SPATA6: variants seen among roughly 807,000 people sequenced by gnomAD.
SPATA6 encodes spermatogenesis associated 6.
Under a neutral mutation model 65.3 loss-of-function variants are expected in SPATA6, and 56 were observed. The observed-to-expected ratio is 0.86, with a 90% CI of 0.69 to 1.07. The LOEUF (loss-of-function observed/expected upper bound fraction) is 1.07. Among genes scored for constraint, SPATA6 ranks in the 50% least tolerant of loss-of-function variants. The probability of loss-of-function intolerance (pLI) is 0.00; values close to 1 mark genes in which losing one functional copy is unlikely to be tolerated. For missense variants in SPATA6, 590 were observed against 594.8 expected (o/e 0.99, Z 0.08); for synonymous variants, 199 against 213.2 (o/e 0.93, Z 0.58).
chr1:48,440,169 C>G (rs1655326424), intron 3 of SPATA6, among the ~76,000 whole-genome samples: 1 of 152,096 alleles, frequency 6.6e-6, no homozygotes, highest in South Asian at 2.1e-4. Flanking sequence ...CAAAAACCCT[C>G]TGGCTATCGG....
intron 9 of SPATA6, among the ~76,000 whole-genome samples, chr1:48,362,125 A>T (rs573001018): frequency 5.3e-5 from 8 of 152,246 alleles, no homozygotes; most frequent in African/African-American, 1.7e-4. Context: ...TAGGTAGCTC[A>T]CATCTGTAGT....
At chr1:48,331,359 T>C (rs1415495811) in intron 11 of SPATA6, among the ~76,000 whole-genome samples, 1 of 146,072 alleles carries the variant, frequency 6.8e-6, no homozygotes, top group South Asian at 2.2e-4. Context: ...ACAGAAAAAA[T>C]AGCCAGTATA....
chr1:48,323,882 A>G (rs1309509574), intron 11 of SPATA6, among the ~76,000 whole-genome samples: 1 of 152,188 alleles, frequency 6.6e-6, no homozygotes, highest in Non-Finnish European at 1.5e-5. Context: ...AAAGAAAAGC[A>G]CAGGGCTCGA....
At chr1:48,460,600 GAAAT>G (rs146124671) in intron 1 of SPATA6, among the ~76,000 whole-genome samples, 5,370 of 152,102 alleles carry the variant, frequency 0.035, 305 homozygotes, top group African/African-American at 0.12. Context: ...GGAAATGAAA[GAAAT>G]AAAAGGCACA....
At chr1:48,380,300 T>C (rs1195140079) in intron 9 of SPATA6, among the ~76,000 whole-genome samples, 1 of 152,224 alleles carries the variant, frequency 6.6e-6, no homozygotes. Flanking sequence ...TATTTTCATG[T>C]TCAATGCTGC....
At chr1:48,283,099 C>T in the SPATA6 span, among the ~76,000 whole-genome samples, 368 of 146,546 alleles carry the variant, frequency 2.5e-3, 1 homozygote, top group Admixed American at 4.6e-3. Context: ...AACCAAACAC[C>T]GCATATTCTT....
At position 48,402,212 on chromosome 1, in the gene SPATA6, T is replaced by C. The variant is rs1233028489; in HGVS notation, c.486+1590A>G. Reference sequence around the variant, plus strand: ...AAAGTTTACAGAGGGAAATGTTAGTTCATAAGTACAATTAAACTATGAATG... The same window carrying C: ...AAAGTTTACAGAGGGAAATGTTAGTCCATAAGTACAATTAAACTATGAATG... On this transcript the variant is annotated intron_variant, in intron 6 of 12. Coordinates refer to ENST00000371847, the MANE Select transcript of SPATA6 (RefSeq NM_019073.4). Among the ~76,000 whole-genome samples the C allele has an allele frequency of 2.6e-5, 4 of 152,176 alleles. No homozygotes were observed. The East Asian group carries it at 7.7e-4, about 29-fold the overall frequency.
At chr1:48,276,728 A>T in the SPATA6 span, among the ~76,000 whole-genome samples, 2 of 152,098 alleles carry the variant, frequency 1.3e-5, no homozygotes, top group African/African-American at 4.8e-5. Flanking sequence ...TTTTGCATTA[A>T]CTGAGGAGTG....
chr1:48,372,324 A>G (rs1647369982), intron 9 of SPATA6, among the ~76,000 whole-genome samples: 1 of 152,192 alleles, frequency 6.6e-6, no homozygotes, highest in Non-Finnish European at 1.5e-5. Context: ...AAGGGGTTAC[A>G]GGGCCCATGT....
At chr1:48,279,124 CA>C in the SPATA6 span, among the ~76,000 whole-genome samples, 1 of 152,098 alleles carries the variant, frequency 6.6e-6, no homozygotes, top group South Asian at 2.1e-4. Flanking sequence ...TACAGACAAG[CA>C]AATGCTGAGA....
chr1:48,290,360 C>T, the SPATA6 span, among the ~76,000 whole-genome samples: 6 of 152,178 alleles, frequency 3.9e-5, no homozygotes, highest in Admixed American at 2.6e-4. Context: ...CACTAAACAT[C>T]GAAAGGAACA....
At chr1:48,430,090 C>CT (rs1654258927) in intron 3 of SPATA6, among the ~76,000 whole-genome samples, 1 of 152,002 alleles carries the variant, frequency 6.6e-6, no homozygotes, top group Non-Finnish European at 1.5e-5. Context: ...GAAACAATGG[C>CT]TGAAAACTTC....
At chr1:48,413,660 A>G (rs1023418416) in intron 3 of SPATA6, among the ~76,000 whole-genome samples, 27 of 152,152 alleles carry the variant, frequency 1.8e-4, no homozygotes, top group Admixed American at 8.5e-4. Context: ...TGGTGAGTAC[A>G]GTGAGATACA....
chr1:48,470,663 GT>G (rs1237005491), intron 1 of SPATA6, among the ~76,000 whole-genome samples: 2 of 152,040 alleles, frequency 1.3e-5, no homozygotes, highest in Non-Finnish European at 1.5e-5. Context: ...TTTCCTAGGG[GT>G]TTAAGTTCTG....
At chr1:48,441,549 T>C (rs777991478) in intron 3 of SPATA6, among the ~76,000 whole-genome samples, 12 of 152,150 alleles carry the variant, frequency 7.9e-5, no homozygotes, top group Non-Finnish European at 1.5e-4. Flanking sequence ...TGTCCCCTGC[T>C]TGAGGAGGGA....
downstream of SPATA6, among the ~76,000 whole-genome samples, chr1:48,291,171 G>A (rs537955503): frequency 8.5e-5 from 13 of 152,266 alleles, no homozygotes; most frequent in South Asian, 1.2e-3. Context: ...GAGGGTCCTC[G>A]ATTTAATTTT....
At chr1:48,280,378 A>C in the SPATA6 span, among the ~76,000 whole-genome samples, 1 of 152,356 alleles carries the variant, frequency 6.6e-6, no homozygotes, top group Non-Finnish European at 1.5e-5. Flanking sequence ...CCTTCAAAAA[A>C]TTAGTGAATA....
chr1:48,282,107 G>A, the SPATA6 span, among the ~76,000 whole-genome samples: 1 of 152,182 alleles, frequency 6.6e-6, no homozygotes, highest in African/African-American at 2.4e-5. Context: ...TTAATAGATG[G>A]TGCTGGGAAA....
intron 11 of SPATA6, among the ~76,000 whole-genome samples, chr1:48,313,577 C>T (rs917002982): frequency 6.6e-6 from 1 of 152,176 alleles, no homozygotes; most frequent in African/African-American, 2.4e-5. Context: ...CTGGTACCAG[C>T]CACTGCAAAA....
Sources: gnomAD v4.1 joint callset for allele counts (sites outside exome capture counted in the v4.1 genomes callset) on GRCh38, gnomAD v4.1.1 for gene constraint, MANE v1.5 for transcripts, NCBI Gene and HGNC (gene_info 2026-07-23, HGNC 2026-07-21) for gene names.